Variants in TMC7 observed in about 807,000 individuals in gnomAD.
TMC7 encodes the protein transmembrane channel-like protein 7.
A neutral mutation model predicts 82.9 loss-of-function variants in TMC7; 54 were observed. The ratio of observed to expected loss-of-function variants is 0.65; its 90% CI spans 0.52 to 0.82. TMC7 has a LOEUF of 0.82. TMC7 is among the 40% of genes least tolerant of loss of function. TMC7 has a pLI of 0.00. For synonymous variants in TMC7, 350 were observed against 337.9 expected (o/e 1.04, Z -0.39); for missense variants, 820 against 901.2 (o/e 0.91, Z 1.15).
intron 8 of TMC7, among the ~76,000 whole-genome samples, chr16:19,039,098 T>TG (rs996392549): frequency 6.8e-6 from 1 of 148,096 alleles, no homozygotes; most frequent in African/African-American, 2.5e-5. Context: ...TTTTCTTTTT[T>TG]TTTTTTTTTT....
Position 19,037,904 on chromosome 16 carries a change from A to C in TMC7, c.1036A>C (p.Lys346Gln). 1 of 1,613,598 alleles carries C rather than the reference A, an allele frequency of 6.2e-7. No homozygotes were observed. Among genetic ancestry groups the C allele is most frequent in the Non-Finnish European group, 8.5e-7 (1 of 1,179,892 alleles). ...ADLEEERMRQ[K>Q]IAERTSEETI... The stretch of plus-strand genomic sequence containing the variant: ...TCTGGAGGAAGAAAGAATGCGGCAG[A>C]AAATAGCAGAAAGGACCTCAGAAGA... Residue 346 changes from lysine (K) to glutamine (Q), a missense_variant, in exon 8 of 16, where the codon AAA (lysine) becomes CAA (glutamine). Physicochemically the swap from Lys to Gln is moderately conservative, Grantham distance 53. Coordinates refer to ENST00000304381, the MANE Select transcript of TMC7 (RefSeq NM_024847.4).
chr16:19,013,851 C>CTTTTTT (rs35402613), intron 2 of TMC7, among the ~76,000 whole-genome samples: 10 of 87,094 alleles, frequency 1.1e-4, no homozygotes, highest in East Asian at 3.6e-4. Context: ...AGCACTCTTG[C>CTTTTTT]TTTTTTTTTT....
chr16:18,996,307 A>C (rs2039042835), intron 1 of TMC7, among the ~76,000 whole-genome samples: 1 of 152,156 alleles, frequency 6.6e-6, no homozygotes, highest in Non-Finnish European at 1.5e-5. Context: ...GAAAGAAGAA[A>C]GATTTGGGAC....
At chr16:19,054,997 C>G (rs1961706920) in intron 13 of TMC7, among the ~76,000 whole-genome samples, 1 of 152,070 alleles carries the variant, frequency 6.6e-6, no homozygotes, top group East Asian at 1.9e-4. Flanking sequence ...ATCCATCTGC[C>G]TCGGCCTCCC....
intron 1 of TMC7, among the ~76,000 whole-genome samples, chr16:18,989,620 G>A (rs35307397): frequency 0.047 from 6,426 of 138,172 alleles, 180 homozygotes; most frequent in Middle Eastern, 0.1. Context: ...CAGGCCCTGG[G>A]GGTCTAGTGG....
chr16:19,048,291 CG>C (rs1160550508), intron 12 of TMC7, among the ~76,000 whole-genome samples: 1 of 151,872 alleles, frequency 6.6e-6, no homozygotes, highest in African/African-American at 2.4e-5. Context: ...CATTTATTTT[CG>C]GGTTTCAATG....
chr16:19,036,388 A>G (rs1960748585), intron 7 of TMC7, among the ~76,000 whole-genome samples: 1 of 152,250 alleles, frequency 6.6e-6, no homozygotes, highest in South Asian at 2.1e-4. Flanking sequence ...ACATGCCTGT[A>G]GTCCCAGCTA....
intron 14 of TMC7, 113 bp from the exon 15 acceptor site, chr16:19,059,303 C>A: frequency 6.6e-7 from 1 of 1,517,414 alleles, no homozygotes; most frequent in Non-Finnish European, 8.8e-7. Flanking sequence ...TCATGCCCAG[C>A]CTTCTTTTCT....
chr16:19,055,804 T>G (rs1286363413), intron 13 of TMC7, among the ~76,000 whole-genome samples: 1 of 152,188 alleles, frequency 6.6e-6, no homozygotes, highest in Non-Finnish European at 1.5e-5. Context: ...TGGTTTGCTA[T>G]ACCTACCCCC....
At chr16:19,021,353 A>C (rs1959964889) in intron 3 of TMC7, among the ~76,000 whole-genome samples, 1 of 152,222 alleles carries the variant, frequency 6.6e-6, no homozygotes, top group Admixed American at 6.5e-5. Context: ...AATGGTGCTG[A>C]GTCAACTAGA....
chr16:19,060,575 G>C (rs1567533540), intron 15 of TMC7, among the ~76,000 whole-genome samples: 3 of 152,044 alleles, frequency 2.0e-5, no homozygotes, highest in Non-Finnish European at 2.9e-5. Context: ...GAAAGTAAGA[G>C]GCAAAGAGCA....
At chr16:19,030,945 G>T (rs1281365680) in intron 6 of TMC7, among the ~76,000 whole-genome samples, 1 of 151,910 alleles carries the variant, frequency 6.6e-6, no homozygotes, top group African/African-American at 2.4e-5. Flanking sequence ...CCCTTCCTTT[G>T]CTTAGGTGTG....
chr16:19,059,958 C>G, intron 15 of TMC7: 18 of 348,822 alleles, frequency 5.2e-5, no homozygotes, highest in South Asian at 1.9e-4. Context: ...GCCTGGGTGA[C>G]AGAGTGAGAC....
chr16:19,040,341 C>G lies in TMC7; in HGVS notation c.1232C>G (p.Ser411Cys), dbSNP rs752432481. ...AACCTCTTCATATTGTATCTACCGTCTATTGTGATCACGCTGGCCAATTTT... is the reference window on the plus strand; with the variant it reads ...AACCTCTTCATATTGTATCTACCGTGTATTGTGATCACGCTGGCCAATTTT... ...GENLFILYLP[S>C]IVITLANFIT... Residue 411 changes from serine to cysteine, a missense_variant, in exon 9 of 16, where the codon TCT becomes TGT. Transcript: ENST00000304381. 3 of 1,614,030 alleles carry G rather than the reference C, an allele frequency of 1.9e-6. No homozygotes were observed. The East Asian group carries it at 6.7e-5, about 36-fold the overall frequency.
chr16:19,031,975 C>A (rs1264255841), intron 6 of TMC7, among the ~76,000 whole-genome samples: 1 of 152,172 alleles, frequency 6.6e-6, no homozygotes, highest in Non-Finnish European at 1.5e-5. Context: ...CAAGGGAGGC[C>A]AGGAAACATT....
chr16:19,020,808 C>T (rs927590102), intron 3 of TMC7, among the ~76,000 whole-genome samples: 1 of 151,474 alleles, frequency 6.6e-6, no homozygotes, highest in Non-Finnish European at 1.5e-5. Context: ...GCTGAGATCA[C>T]GCCACTGCAC....
intron 5 of TMC7, among the ~76,000 whole-genome samples, chr16:19,028,978 AT>A (rs1012031592): frequency 6.2e-5 from 8 of 129,226 alleles, no homozygotes; most frequent in African/African-American, 1.7e-4. Context: ...TTAAAAAAAA[AT>A]TTTTAATTGT....
intron 1 of TMC7, 131 bp from the exon 2 acceptor site, chr16:19,009,041 C>T: frequency 9.6e-7 from 1 of 1,045,748 alleles, no homozygotes; most frequent in Non-Finnish European, 1.4e-6. Context: ...AAAATAAGAT[C>T]AAAATGCTGT....
chr16:19,006,131 C>A (rs2039235988), intron 1 of TMC7, among the ~76,000 whole-genome samples: 1 of 152,158 alleles, frequency 6.6e-6, no homozygotes, highest in Non-Finnish European at 1.5e-5. Flanking sequence ...CATGTGATCC[C>A]CTTTAATGTT....
Sources: allele counts gnomAD v4.1 joint callset (sites outside exome capture counted in the v4.1 genomes callset), GRCh38; gene constraint gnomAD v4.1.1; transcripts MANE v1.5; gene names NCBI Gene and HGNC (gene_info 2026-07-23, HGNC 2026-07-21).